The following EEF2 variants were observed in gnomAD, a reference collection of about 807,000 sequenced individuals.
The protein encoded by EEF2 is elongation factor 2.
In EEF2, 21 loss-of-function variants were observed where a neutral mutation model predicts 85.3. That is an observed-to-expected ratio of 0.25 (90% CI 0.17 to 0.35). The LOEUF (loss-of-function observed/expected upper bound fraction) is 0.35, where lower values mean the gene tolerates loss of function less well. Ranked by LOEUF, EEF2 falls within the 10% of genes least tolerant of loss-of-function variation. EEF2 has a pLI of 1.00. For missense variants in EEF2, 825 were observed against 1,225.3 expected, an observed-to-expected ratio of 0.67 and a Z score of 4.88; for synonymous variants, 723 against 508.8, an observed-to-expected ratio of 1.42 and a Z score of -5.67.
In EEF2 at chr19:3,976,492, G is replaced by A. The variant is rs764455675; in HGVS notation, c.*62C>T. 52 of 1,540,274 alleles carry A rather than the reference G, an allele frequency of 3.4e-5. No individual in the cohort carries two copies. The Middle Eastern group carries it at 5.7e-4, about 17-fold the overall frequency. On this transcript the variant is annotated 3_prime_UTR_variant, in exon 15 of 15. Coordinates refer to ENST00000309311, the MANE Select transcript of EEF2 (RefSeq NM_001961.4). ...GTCTCCAGGTGTCGTCTGAGAATTC[G>A]AGGACGTGGTGCTGTGGGTGCTGCG...
chr19:3,983,092 G>T lies in EEF2; in HGVS notation c.400+18C>A. 6.2e-7 allele frequency: 1 copy of T among 1,612,584 alleles called. No individual in the cohort carries two copies. Among genetic ancestry groups the T allele is most frequent in the South Asian group, 1.1e-5 (1 of 91,068 alleles). Reference sequence around the variant, plus strand: ...GCCCCCGGTTCCAGGCCGTGCCTCAGGGGGACCCACTGCTTACCTGACACG... The same window carrying T: ...GCCCCCGGTTCCAGGCCGTGCCTCATGGGGACCCACTGCTTACCTGACACG... On this transcript the variant is annotated intron_variant, in intron 3 of 14. Coordinates refer to ENST00000309311, the MANE Select transcript of EEF2 (RefSeq NM_001961.4).
chr19:3,982,748 C>T (rs1568202147), intron 4 of EEF2, 59 bp downstream of exon 4: 1 of 1,546,566 alleles, frequency 6.5e-7, no homozygotes, highest in Non-Finnish European at 8.7e-7. Context: ...CTCCACTCCC[C>T]ACCGGCTCCT....
chr19:3,978,522 G>A (rs1266140906), intron 11 of EEF2, among the ~76,000 whole-genome samples: 2 of 151,828 alleles, frequency 1.3e-5, no homozygotes, highest in African/African-American at 2.4e-5. Context: ...AACTGCCCCG[G>A]AGGCCGGGCG....
In EEF2 at chr19:3,982,849, G is replaced by A. The variant is rs750148265; in HGVS notation, c.570C>T (p.Ser190=). The change falls in exon 4 of 15, where the codon TCC becomes TCT. Residue 190 remains serine, a synonymous_variant. Transcript: ENST00000309311. ...RIVENVNVII[S]TYGEGESGPM... ...GGCCGCTCTCGCCCTCGCCGTAGGT[G>A]GAGATGATGACGTTCACGTTCTCCA... 2.2e-5 allele frequency: 36 copies of A among 1,613,342 alleles called. No homozygotes were observed. The highest frequency in any genetic ancestry group is 1.3e-4 in the Admixed American group (8 of 59,978).
At chr19:3,981,103 C>A (rs2039740381) in intron 7 of EEF2, 124 bp from the exon 8 acceptor site, 2 of 1,435,152 alleles carry the variant, frequency 1.4e-6, no homozygotes, top group Non-Finnish European at 1.8e-6. Context: ...AAAGCACAGT[C>A]CCTTCTGGAA....
chr19:3,980,772 A>T (rs1448414801), intron 8 of EEF2, 63 bp from the exon 9 acceptor site: 5 of 1,594,888 alleles, frequency 3.1e-6, no homozygotes, highest in African/African-American at 1.3e-5. Flanking sequence ...GGAACCCTGC[A>T]ACCCACAACC....
At chr19:3,976,887 C>T (rs1274011531) in intron 14 of EEF2, 140 bp from the exon 15 acceptor site, 20 of 1,081,282 alleles carry the variant, frequency 1.8e-5, no homozygotes, top group Middle Eastern at 3.0e-4. Flanking sequence ...CAGCACTTCA[C>T]GAAGGGCCTA....
Position 3,979,869 on chromosome 19 carries a change from G to A in EEF2, c.1544C>T (p.Ala515Val). The change falls in exon 10 of 15, where the codon GCT becomes GTT. Residue 515 changes from alanine (A) to valine (V), a missense_variant. By Grantham distance (64) the Ala-to-Val change is moderately conservative. Transcript: ENST00000309311. ...VRVAVEAKNP[A>V]DLPKLVEGLK... The stretch of plus-strand genomic sequence containing the variant: ...CCCCTCCACCAGCTTGGGCAGGTCA[G>A]CCGGGTTCTTGGCCTCCACGGCCAC... The A allele has an allele frequency of 6.2e-7, 1 of 1,613,774 alleles. No homozygotes were observed. The highest frequency in any genetic ancestry group is 8.5e-7 in the Non-Finnish European group (1 of 1,180,036).
At chr19:3,984,925 G>A (rs977396391) in intron 1 of EEF2, 6 of 179,614 alleles carry the variant, frequency 3.3e-5, no homozygotes, top group African/African-American at 4.7e-5. Flanking sequence ...ACAGCATCAG[G>A]AGAAGGTATT....
rs1414901773 is a variant in EEF2, at chr19:3,976,242, T to C, written c.*312A>G. On this transcript the variant is annotated 3_prime_UTR_variant, in exon 15 of 15. Transcript: ENST00000309311. ...CTCTTAATGCGTTTGTTAAAATTAG[T>C]TTGGACATCTGAGTTTCCCTCTGAA... 5.3e-6 allele frequency: 2 copies of C among 373,952 alleles called. No individual in the cohort carries two copies. Among genetic ancestry groups the C allele is most frequent in the Non-Finnish European group, 9.8e-6 (2 of 203,850 alleles). 23.2% of individuals were successfully genotyped at this position (373,952 alleles called of 1,614,324 possible).
rs760185296 is a variant in EEF2, at chr19:3,981,366, C to G, written c.984G>C (p.Lys328Asn). Residue 328 changes from lysine to asparagine, a missense_variant, in exon 7 of 15, where the codon AAG becomes AAC. Lys to Asn is a moderately conservative substitution (Grantham distance 94). Transcript: ENST00000309311. ...TCAGCAGGGGTTTGCCTTCTTTGTC[C>G]TTGTCCTCGCTGTCCAGTTTGATGT... ...KLDIKLDSED[K>N]DKEGKPLLKA... 6.2e-7 allele frequency: 1 copy of G among 1,614,250 alleles called. No individual in the cohort carries two copies.
intron 1 of EEF2, among the ~76,000 whole-genome samples, 197 bp from the exon 2 acceptor site, chr19:3,984,547 G>C (rs548339198): frequency 4.0e-4 from 61 of 152,330 alleles, no homozygotes; most frequent in Middle Eastern, 3.4e-3. Flanking sequence ...ACCGTTAATA[G>C]GTGTCATTCA....
At chr19:3,983,416 AGC>A in intron 2 of EEF2, 125 bp from the exon 3 acceptor site, 3 of 1,039,110 alleles carry the variant, frequency 2.9e-6, no homozygotes, top group Non-Finnish European at 4.1e-6. Flanking sequence ...CTCCCACAAG[AGC>A]CAACCCACCC....
intron 1 of EEF2, 69 bp downstream of exon 1, chr19:3,985,309 G>A (rs971367217): frequency 1.2e-5 from 16 of 1,365,520 alleles, no homozygotes; most frequent in Non-Finnish European, 1.2e-5. Flanking sequence ...AGCGTCCCAG[G>A]CTAGGCAGCG....
At chr19:3,981,774 G>A (rs1470246584) in intron 6 of EEF2, among the ~76,000 whole-genome samples, 173 bp downstream of exon 6, 1 of 152,246 alleles carries the variant, frequency 6.6e-6, no homozygotes, top group African/African-American at 2.4e-5. Context: ...ATGCAGTCCA[G>A]ATCTTAAGAG....
At chr19:3,982,125 G>A (rs893574234) in intron 5 of EEF2, 73 bp from the exon 6 acceptor site, 8 of 1,596,844 alleles carry the variant, frequency 5.0e-6, no homozygotes, top group Non-Finnish European at 6.9e-6. Flanking sequence ...GTCGCCAAGG[G>A]GACATGCTTG....
chr19:3,984,433 G>C, intron 1 of EEF2, 83 bp from the exon 2 acceptor site: 1 of 1,449,128 alleles, frequency 6.9e-7, no homozygotes, highest in East Asian at 2.3e-5. Flanking sequence ...AAACGAACCA[G>C]CATGCCCAAG....
chr19:3,981,598 A>G, intron 6 of EEF2, 146 bp from the exon 7 acceptor site: 1 of 760,986 alleles, frequency 1.3e-6, no homozygotes, highest in Non-Finnish European at 2.2e-6. Context: ...CCACGGGCCC[A>G]GCCAGCTGAG....
chr19:3,984,198 C>A lies in EEF2; in HGVS notation c.156G>T (p.Gly52=), dbSNP rs766271557. The A allele has an allele frequency of 3.2e-5, 51 of 1,613,968 alleles. No individual in the cohort carries two copies. The highest frequency in any genetic ancestry group is 4.2e-5 in the Non-Finnish European group (50 of 1,180,026). The change falls in exon 2 of 15, where the codon GGG becomes GGT. Residue 52 remains glycine (G), a synonymous_variant. Transcript: ENST00000309311. ...TCCGGGTATCAGTGAAGCGTGTCTC[C>A]CCGGCCCGGGCCGAGGCGATGATGC... ...KAGIIASARA[G]ETRFTDTRKD...
Sources: gnomAD v4.1 joint callset for allele counts (sites outside exome capture counted in the v4.1 genomes callset) on GRCh38, gnomAD v4.1.1 for gene constraint, MANE v1.5 for transcripts, NCBI Gene and HGNC (gene_info 2026-07-23, HGNC 2026-07-21) for gene names.